Variants in ANKRD44 observed in about 807,000 individuals in gnomAD.
The protein encoded by ANKRD44 is ankyrin repeat domain 44, also known as serine/threonine-protein phosphatase 6 regulatory ankyrin repeat subunit B.
In ANKRD44, 35 loss-of-function variants were observed where a neutral mutation model predicts 116.0. The ratio of observed to expected loss-of-function variants is 0.30; its 90% CI spans 0.23 to 0.40. ANKRD44 has a LOEUF of 0.40. Ranked by LOEUF, ANKRD44 falls within the 10% of genes least tolerant of loss-of-function variation. The pLI is 1.00. For synonymous variants in ANKRD44, 435 were observed against 461.8 expected (o/e 0.94, Z 0.74); for missense variants, 1,014 against 1,242.6 (o/e 0.82, Z 2.77).
intron 2 of ANKRD44, among the ~76,000 whole-genome samples, chr2:197,148,901 T>A (rs2079571650): frequency 6.6e-6 from 1 of 152,228 alleles, no homozygotes; most frequent in Admixed American, 6.5e-5. Context: ...CAATCAACCT[T>A]GTTATAGATA....
intron 16 of ANKRD44, among the ~76,000 whole-genome samples, chr2:197,072,914 A>G (rs1251793941): frequency 6.6e-6 from 1 of 152,214 alleles, no homozygotes. Context: ...AACAAATAAT[A>G]AAGAGTTCTC....
At position 197,125,890 on chromosome 2, in the gene ANKRD44, C is replaced by T. The variant is rs755267696; in HGVS notation, c.409G>A (p.Asp137Asn). ...IPLLSSVNVS[D>N]RGGRTALHHA... is the part of the protein sequence containing the mutation. ...TGCAAGGCTGTGCGCCCCCCTCGGT[C>T]GGAGACATTGACACTGCTCAGCAGG... The change falls in exon 5 of 28, where the codon GAC (aspartate) becomes AAC (asparagine). Residue 137 changes from aspartate to asparagine, a missense_variant. Transcript: ENST00000282272. 6.2e-6 allele frequency: 10 copies of T among 1,614,196 alleles called. No individual in the cohort carries two copies. The highest frequency in any genetic ancestry group is 7.6e-6 in the Non-Finnish European group (9 of 1,180,046).
intron 1 of ANKRD44, among the ~76,000 whole-genome samples, chr2:197,222,037 T>A (rs575637028): frequency 6.6e-6 from 1 of 152,198 alleles, no homozygotes; most frequent in Admixed American, 6.5e-5. Context: ...AATGCTTCAA[T>A]GACTCAAATA....
At chr2:197,305,103 A>T (rs1197889909) in intron 1 of ANKRD44, among the ~76,000 whole-genome samples, 1 of 152,200 alleles carries the variant, frequency 6.6e-6, no homozygotes, top group Non-Finnish European at 1.5e-5. Flanking sequence ...AACGGATAAA[A>T]ATGATATAGT....
intron 17 of ANKRD44, among the ~76,000 whole-genome samples, chr2:197,016,372 A>C (rs939600658): frequency 8.5e-5 from 13 of 152,192 alleles, no homozygotes; most frequent in African/African-American, 3.1e-4. Context: ...AGGATTAAAA[A>C]ATTAAGGCAT....
intron 20 of ANKRD44, among the ~76,000 whole-genome samples, chr2:197,006,208 C>T (rs978067682): frequency 1.3e-5 from 2 of 151,986 alleles, no homozygotes; most frequent in East Asian, 1.9e-4. Context: ...TTTGGGAGGC[C>T]GAGGCAGGAG....
intron 16 of ANKRD44, among the ~76,000 whole-genome samples, chr2:197,050,615 G>A (rs1408435284): frequency 1.3e-5 from 2 of 151,904 alleles, no homozygotes; most frequent in Non-Finnish European, 2.9e-5. Context: ...TGGAGACAGG[G>A]TTTCATCATA....
chr2:196,980,447 C>T (rs568104454), intron 21 of ANKRD44, among the ~76,000 whole-genome samples: 5 of 152,062 alleles, frequency 3.3e-5, no homozygotes, highest in African/African-American at 9.7e-5. Flanking sequence ...ATTAGAAACC[C>T]GTTAGCTTTC....
intron 26 of ANKRD44, chr2:196,994,766 A>T (rs943915716): frequency 6.6e-6 from 1 of 152,416 alleles, no homozygotes; most frequent in African/African-American, 2.4e-5. Flanking sequence ...CAAGTAATCC[A>T]ACTGCCTCGG....
intron 7 of ANKRD44, among the ~76,000 whole-genome samples, chr2:197,122,305 C>T (rs2078875574): frequency 6.6e-6 from 1 of 152,290 alleles, no homozygotes; most frequent in Non-Finnish European, 1.5e-5. Context: ...GCCATTTATT[C>T]ATTCATTTCT....
chr2:197,214,253 G>T (rs1008366044), intron 1 of ANKRD44, among the ~76,000 whole-genome samples: 3 of 152,000 alleles, frequency 2.0e-5, no homozygotes, highest in African/African-American at 2.4e-5. Context: ...ATAAAATATG[G>T]CACATCAAAA....
At chr2:196,990,248 G>C in intron 27 of ANKRD44, 1 of 986,932 alleles carries the variant, frequency 1.0e-6, no homozygotes, top group Non-Finnish European at 1.2e-6. Context: ...GTGAGAAGAA[G>C]TTTGAGGCAT....
intron 16 of ANKRD44, among the ~76,000 whole-genome samples, chr2:197,033,023 G>A (rs1464110125): frequency 6.6e-6 from 1 of 151,802 alleles, no homozygotes; most frequent in East Asian, 1.9e-4. Context: ...GGTGTCTAGT[G>A]GACGGCTGGA....
intron 1 of ANKRD44, among the ~76,000 whole-genome samples, chr2:197,285,208 T>A (rs1393947496): frequency 6.6e-6 from 1 of 152,062 alleles, no homozygotes; most frequent in African/African-American, 2.4e-5. Flanking sequence ...TGAGCCAAAC[T>A]GCAAAATGTG....
chr2:197,217,460 G>A (rs1428079775), intron 1 of ANKRD44, among the ~76,000 whole-genome samples: 5 of 152,144 alleles, frequency 3.3e-5, no homozygotes, highest in Non-Finnish European at 7.3e-5. Flanking sequence ...AAATTCAAGT[G>A]ATTGAACTAG....
chr2:197,164,360 C>T (rs1318769029), intron 2 of ANKRD44, among the ~76,000 whole-genome samples: 3 of 152,284 alleles, frequency 2.0e-5, no homozygotes, highest in African/African-American at 7.2e-5. Flanking sequence ...GGCGCAGCTG[C>T]GGGGTCCCTG....
At chr2:197,225,334 A>C (rs2081678657) in intron 1 of ANKRD44, among the ~76,000 whole-genome samples, 1 of 152,094 alleles carries the variant, frequency 6.6e-6, no homozygotes. Flanking sequence ...ACATTGCATG[A>C]CTTTTTCTTT....
At chr2:196,999,822 T>C (rs2076082249) in intron 23 of ANKRD44, among the ~76,000 whole-genome samples, 1 of 152,064 alleles carries the variant, frequency 6.6e-6, no homozygotes, top group Non-Finnish European at 1.5e-5. Context: ...CTCTATCTCC[T>C]GGCCTCATGA....
intron 1 of ANKRD44, among the ~76,000 whole-genome samples, chr2:197,252,588 A>G (rs2082346938): frequency 6.6e-6 from 1 of 151,986 alleles, no homozygotes; most frequent in African/African-American, 2.4e-5. Context: ...TTGCGTTTTT[A>G]GTAGAGACGG....
Sources: allele counts gnomAD v4.1 joint callset (sites outside exome capture counted in the v4.1 genomes callset), GRCh38; gene constraint gnomAD v4.1.1; transcripts MANE v1.5; gene names NCBI Gene and HGNC (gene_info 2026-07-23, HGNC 2026-07-21).